The following CMIP variants were observed in gnomAD, a reference collection of about 807,000 sequenced individuals.
CMIP encodes the protein c-Maf inducing protein, also known as C-Maf-inducing protein.
In CMIP, 13 loss-of-function variants were observed where a neutral mutation model predicts 97.3. The ratio of observed to expected loss-of-function variants is 0.13; its 90% CI spans 0.09 to 0.21. The LOEUF (loss-of-function observed/expected upper bound fraction) is 0.21. Ranked by LOEUF, CMIP falls within the 10% of genes least tolerant of loss-of-function variation. The pLI is 1.00. For synonymous variants in CMIP, 538 were observed against 436.3 expected, an observed-to-expected ratio of 1.23 and a Z score of -2.91; for missense variants, 847 against 1,024.9, an observed-to-expected ratio of 0.83 and a Z score of 2.37.
chr16:81,707,190 A>C, intron 20 of CMIP, 106 bp downstream of exon 20: 1 of 873,420 alleles, frequency 1.1e-6, no homozygotes, highest in Non-Finnish European at 1.9e-6. Flanking sequence ...AAGGATGATG[A>C]CATCTACAGA....
chr16:81,631,243 A>G (rs2092154523), intron 3 of CMIP: 1 of 152,354 alleles, frequency 6.6e-6, no homozygotes, highest in African/African-American at 2.4e-5. Flanking sequence ...GCCTGTCTTG[A>G]AGCAGGAGCT....
At chr16:81,604,256 C>T (rs573375631) in intron 1 of CMIP, among the ~76,000 whole-genome samples, 39 of 149,942 alleles carry the variant, frequency 2.6e-4, no homozygotes, top group African/African-American at 8.1e-4. Context: ...ATTAGCTGGG[C>T]GTGGTGGCGC....
At chr16:81,451,947 C>T (rs577776086) in intron 1 of CMIP, among the ~76,000 whole-genome samples, 2 of 152,314 alleles carry the variant, frequency 1.3e-5, no homozygotes, top group African/African-American at 4.8e-5. Context: ...GGAGACTGTG[C>T]GCATTTTGAA....
intron 1 of CMIP, among the ~76,000 whole-genome samples, chr16:81,536,087 C>T (rs1414272029): frequency 6.6e-5 from 10 of 152,282 alleles, no homozygotes; most frequent in African/African-American, 2.2e-4. Context: ...CATCCCCCGA[C>T]CCCTGGCTTT....
chr16:81,680,165 C>T (rs1904725093), intron 10 of CMIP, among the ~76,000 whole-genome samples: 1 of 152,192 alleles, frequency 6.6e-6, no homozygotes, highest in South Asian at 2.1e-4. Flanking sequence ...GGAGGCCACT[C>T]GGAAGCCCGG....
intron 18 of CMIP, among the ~76,000 whole-genome samples, chr16:81,705,091 C>G (rs78574458): frequency 0.085 from 12,992 of 152,142 alleles, 606 homozygotes; most frequent in East Asian, 0.14. Context: ...AGTGCAGGTT[C>G]TACCCTCACC....
chr16:81,579,509 C>G (rs2091259244), intron 1 of CMIP, among the ~76,000 whole-genome samples: 1 of 152,162 alleles, frequency 6.6e-6, no homozygotes, highest in South Asian at 2.1e-4. Flanking sequence ...CAGAACCCTG[C>G]CAGGCCCTTT....
At chr16:81,505,865 C>T (rs1456717081) in intron 1 of CMIP, among the ~76,000 whole-genome samples, 1 of 152,236 alleles carries the variant, frequency 6.6e-6, no homozygotes, top group African/African-American at 2.4e-5. Context: ...CGTGGTGGCA[C>T]ATGCCTGTAA....
Position 81,505,936 on chromosome 16 carries a change from G to A in CMIP, c.300+60395G>A, listed in dbSNP as rs1435282134. On this transcript the variant is annotated intron_variant, in intron 1 of 20. Coordinates refer to ENST00000537098, the MANE Select transcript of CMIP (RefSeq NM_198390.3). ...CTTGAACCCGGGAGGTGGAGGTTGC[G>A]GTGAGCCTAGATTGTGCCATTGCAC... Among the ~76,000 whole-genome samples, 5 of 152,142 alleles carry A rather than the reference G, an allele frequency of 3.3e-5. No homozygotes were observed. In the East Asian group the frequency reaches 9.6e-4, roughly 29 times the overall value.
chr16:81,506,021 C>T (rs913662230), intron 1 of CMIP, among the ~76,000 whole-genome samples: 5 of 152,162 alleles, frequency 3.3e-5, no homozygotes, highest in African/African-American at 1.2e-4. Context: ...AAATCAGGAA[C>T]AGTAAGAACT....
intron 3 of CMIP, among the ~76,000 whole-genome samples, chr16:81,629,310 G>A (rs1385335871): frequency 1.3e-5 from 2 of 151,916 alleles, no homozygotes; most frequent in Non-Finnish European, 2.9e-5. Flanking sequence ...GGACTGACCC[G>A]CTTCCACATC....
At chr16:81,560,867 G>C (rs933993707) in intron 1 of CMIP, among the ~76,000 whole-genome samples, 5 of 152,184 alleles carry the variant, frequency 3.3e-5, no homozygotes, top group African/African-American at 1.2e-4. Context: ...ATACCATGTA[G>C]GTTTGTGTAA....
At chr16:81,600,376 T>C (rs868150696) in intron 1 of CMIP, among the ~76,000 whole-genome samples, 2 of 151,418 alleles carry the variant, frequency 1.3e-5, no homozygotes, top group Admixed American at 6.6e-5. Flanking sequence ...TGTATAAACA[T>C]GTGGCCTGCC....
Position 81,705,522 on chromosome 16 carries a change from C to T in CMIP, c.2115C>T (p.Leu705=). 1 of 1,607,756 alleles carries T rather than the reference C, an allele frequency of 6.2e-7. No homozygotes were observed. The highest frequency in any genetic ancestry group is 8.5e-7 in the Non-Finnish European group (1 of 1,177,724). Residue 705 remains leucine (L), a synonymous_variant, in exon 19 of 21, where the codon CTC becomes CTT. Coordinates refer to ENST00000537098, the MANE Select transcript of CMIP (RefSeq NM_198390.3). ...AGTTTGGAGACGCTGGCCTTCGGCT[C>T]CTGTCGGAACACCTCACCATGCTCC... ...STQFGDAGLR[L]LSEHLTMLQV... is the part of the protein sequence containing the mutation.
chr16:81,538,254 G>A (rs1190044474), intron 1 of CMIP, among the ~76,000 whole-genome samples: 1 of 152,218 alleles, frequency 6.6e-6, no homozygotes, highest in African/African-American at 2.4e-5. Flanking sequence ...AGCATGGGCT[G>A]CCTGCCCATG....
chr16:81,651,810 A>G (rs1009345600), intron 3 of CMIP, among the ~76,000 whole-genome samples: 2 of 152,186 alleles, frequency 1.3e-5, no homozygotes, highest in Non-Finnish European at 2.9e-5. Flanking sequence ...GCCCGAGCAC[A>G]TGTTTCTGTC....
At position 81,652,986 on chromosome 16, in the gene CMIP, C is replaced by T. The variant is rs539764959; in HGVS notation, c.639+622C>T. 4.6e-5 allele frequency among the ~76,000 whole-genome samples: 7 copies of T among 152,214 alleles called. No individual in the cohort carries two copies. In the East Asian group the frequency reaches 5.8e-4, roughly 13 times the overall value. ...CCCTACCCCCCTGGAGCTTGTGTCC[C>T]GGCAGGGGAGACAGGCAGTGAACAA... On this transcript the variant is annotated intron_variant, in intron 4 of 20. Coordinates refer to ENST00000537098, the MANE Select transcript of CMIP (RefSeq NM_198390.3). This position sits in a 1 kb window ranked among gnomAD's most constrained non-coding sequence, Gnocchi z 5.2.
intron 3 of CMIP, among the ~76,000 whole-genome samples, chr16:81,647,120 G>A (rs371494025): frequency 4.0e-4 from 61 of 152,292 alleles, no homozygotes; most frequent in South Asian, 3.7e-3. Context: ...AACACTTGGC[G>A]TTGTCTGTCA....
chr16:81,584,025 T>C (rs1228663061), intron 1 of CMIP, among the ~76,000 whole-genome samples: 2 of 152,092 alleles, frequency 1.3e-5, no homozygotes, highest in African/African-American at 4.8e-5. Flanking sequence ...GTGGAGGAAT[T>C]GAAGGGCAAG....
Sources: allele counts gnomAD v4.1 joint callset (sites outside exome capture counted in the v4.1 genomes callset), GRCh38; gene constraint gnomAD v4.1.1; non-coding constraint Gnocchi (gnomAD v3.1); transcripts MANE v1.5; gene names NCBI Gene and HGNC (gene_info 2026-07-23, HGNC 2026-07-21).